The following LMBRD1 variants were observed in gnomAD, a reference collection of about 807,000 sequenced individuals.
LMBRD1 encodes lysosomal cobalamin transport escort protein LMBD1.
A neutral mutation model predicts 74.8 loss-of-function variants in LMBRD1; 64 were observed. The observed-to-expected ratio is 0.86, with a 90% CI of 0.70 to 1.05. The LOEUF (loss-of-function observed/expected upper bound fraction) is 1.05, where lower values mean the gene tolerates loss of function less well. Among genes scored for constraint, LMBRD1 ranks in the 50% least tolerant of loss-of-function variants. The pLI is 0.00. For missense variants in LMBRD1, 652 were observed against 645.9 expected (o/e 1.01, Z -0.10); for synonymous variants, 204 against 216.3 (o/e 0.94, Z 0.50).
At chr6:69,737,682 A>T (rs1006829643) in intron 7 of LMBRD1, among the ~76,000 whole-genome samples, 1 of 151,252 alleles carries the variant, frequency 6.6e-6, no homozygotes, top group Non-Finnish European at 1.5e-5. Context: ...TAGATTTATA[A>T]GCATAGATTA....
chr6:69,688,659 G>A (rs1765816759), intron 14 of LMBRD1, among the ~76,000 whole-genome samples: 1 of 151,852 alleles, frequency 6.6e-6, no homozygotes, highest in South Asian at 2.1e-4. Flanking sequence ...CTACTTGGCA[G>A]ATGTATGTCA....
intron 14 of LMBRD1, among the ~76,000 whole-genome samples, chr6:69,684,241 T>G (rs1464983616): frequency 6.6e-6 from 1 of 151,914 alleles, no homozygotes; most frequent in East Asian, 1.9e-4. Context: ...CATATGAAAT[T>G]AAAATTCATA....
At chr6:69,709,333 C>A (rs1766333921) in intron 9 of LMBRD1, among the ~76,000 whole-genome samples, 1 of 151,764 alleles carries the variant, frequency 6.6e-6, no homozygotes, top group Non-Finnish European at 1.5e-5. Context: ...GAACAGCAAC[C>A]TTCATATCTC....
intron 3 of LMBRD1, among the ~76,000 whole-genome samples, chr6:69,775,006 G>C (rs1396487199): frequency 4.9e-5 from 3 of 60,912 alleles, no homozygotes; most frequent in African/African-American, 1.4e-4. Context: ...AGGGAGGGAG[G>C]GAGGGAGGGA....
chr6:69,795,665 G>C (rs1021656543), intron 1 of LMBRD1, among the ~76,000 whole-genome samples: 1 of 152,214 alleles, frequency 6.6e-6, no homozygotes, highest in Non-Finnish European at 1.5e-5. Flanking sequence ...TCAACCTTTA[G>C]GGTTTCATTT....
intron 3 of LMBRD1, among the ~76,000 whole-genome samples, chr6:69,760,712 A>T (rs1424599090): frequency 6.6e-6 from 1 of 152,172 alleles, no homozygotes; most frequent in Non-Finnish European, 1.5e-5. Flanking sequence ...ATGAACAAAA[A>T]TATTGGGATG....
intron 5 of LMBRD1, among the ~76,000 whole-genome samples, chr6:69,745,463 T>G (rs1214125065): frequency 6.6e-6 from 1 of 150,840 alleles, no homozygotes; most frequent in Non-Finnish European, 1.5e-5. Flanking sequence ...TTTCACCTTG[T>G]TAGCCAGGAT....
At chr6:69,701,838 T>C (rs1227026509) in intron 10 of LMBRD1, 51 bp downstream of exon 10, 6 of 1,242,610 alleles carry the variant, frequency 4.8e-6, no homozygotes, top group Non-Finnish European at 7.1e-6. Context: ...AAAATGTATA[T>C]TATCATAGAA....
rs1204499805 is a variant in LMBRD1, at chr6:69,741,893, T to C, written c.474-16A>G. On this transcript the variant is annotated splice_polypyrimidine_tract_variant and intron_variant, in intron 5 of 15. Transcript: ENST00000649934. ...AACAAAGGCACTACAAAAGAGAAAA[T>C]AATTGTTTTAATAGCTTTAAAGATA... 4 of 1,350,136 alleles carry C rather than the reference T, an allele frequency of 3.0e-6. No homozygotes were observed. In the Admixed American group the frequency reaches 6.8e-5, roughly 23 times the overall value. 83.6% of individuals were successfully genotyped at this position (1,350,136 alleles called of 1,614,324 possible).
chr6:69,773,921 C>A (rs1178178203), intron 3 of LMBRD1, among the ~76,000 whole-genome samples: 1 of 152,124 alleles, frequency 6.6e-6, no homozygotes, highest in Non-Finnish European at 1.5e-5. Context: ...TATAATGTTA[C>A]ACACTGAAGA....
chr6:69,733,633 T>G (rs1766910654), intron 7 of LMBRD1, among the ~76,000 whole-genome samples: 1 of 152,088 alleles, frequency 6.6e-6, no homozygotes, highest in South Asian at 2.1e-4. Context: ...CCTCCCTCTA[T>G]ACACCACAGG....
intron 1 of LMBRD1, chr6:69,790,787 T>G (rs917031830): frequency 4.8e-5 from 17 of 355,712 alleles, no homozygotes; most frequent in African/African-American, 3.2e-4. Context: ...TTTGAATATT[T>G]TTTTCCCTGT....
intron 7 of LMBRD1, among the ~76,000 whole-genome samples, chr6:69,736,577 A>T (rs181971079): frequency 6.6e-6 from 1 of 152,220 alleles, no homozygotes; most frequent in Non-Finnish European, 1.5e-5. Context: ...TGACATTGAC[A>T]TTACATACTG....
intron 9 of LMBRD1, among the ~76,000 whole-genome samples, chr6:69,712,046 A>T (rs181778470): frequency 1.3e-5 from 2 of 152,146 alleles, no homozygotes; most frequent in Non-Finnish European, 2.9e-5. Context: ...GTCCATGTTG[A>T]ACCACTTCTT....
At chr6:69,687,010 T>C (rs768492717) in intron 14 of LMBRD1, among the ~76,000 whole-genome samples, 1 of 152,200 alleles carries the variant, frequency 6.6e-6, no homozygotes, top group African/African-American at 2.4e-5. Context: ...TTGGTCTATA[T>C]ACAACACAGT....
At chr6:69,707,759 G>T (rs905127467) in intron 9 of LMBRD1, among the ~76,000 whole-genome samples, 3 of 152,024 alleles carry the variant, frequency 2.0e-5, no homozygotes, top group Non-Finnish European at 4.4e-5. Context: ...TATATTTCCT[G>T]TGTTCTTTAC....
chr6:69,706,130 G>A (rs1242008984), intron 9 of LMBRD1: 27 of 565,322 alleles, frequency 4.8e-5, no homozygotes, highest in Non-Finnish European at 6.9e-5. Flanking sequence ...GGCCTCCGGG[G>A]GTTTATGTCC....
chr6:69,681,792 C>A (rs1765669013), intron 14 of LMBRD1, among the ~76,000 whole-genome samples: 1 of 151,916 alleles, frequency 6.6e-6, no homozygotes, highest in Non-Finnish European at 1.5e-5. Context: ...TGATTAGGGT[C>A]TTGCTACTAT....
intron 7 of LMBRD1, among the ~76,000 whole-genome samples, chr6:69,736,197 C>G (rs73481743): frequency 0.013 from 2,004 of 152,196 alleles, 42 homozygotes; most frequent in African/African-American, 0.046. Flanking sequence ...ATTGACCCCC[C>G]CTCCGCCGAC....
Sources: allele counts gnomAD v4.1 joint callset (sites outside exome capture counted in the v4.1 genomes callset), GRCh38; gene constraint gnomAD v4.1.1; transcripts MANE v1.5; gene names NCBI Gene and HGNC (gene_info 2026-07-23, HGNC 2026-07-21).